DLGAP2: variants seen among roughly 807,000 people sequenced by gnomAD.
The protein encoded by DLGAP2 is DLG associated protein 2.
In DLGAP2, 26 loss-of-function variants were observed where a neutral mutation model predicts 100.3. That is an observed-to-expected ratio of 0.26 (90% CI 0.19 to 0.36). DLGAP2 has a LOEUF of 0.36. Among genes scored for constraint, DLGAP2 ranks in the 10% least tolerant of loss-of-function variants. The pLI is 1.00. For synonymous variants in DLGAP2, 886 were observed against 630.1 expected, an observed-to-expected ratio of 1.41 and a Z score of -6.08; for missense variants, 1,858 against 1,453.2, an observed-to-expected ratio of 1.28 and a Z score of -4.53.
At chr8:1,255,871 T>C (rs1439623801) in intron 2 of DLGAP2, among the ~76,000 whole-genome samples, 2 of 111,774 alleles carry the variant, frequency 1.8e-5, no homozygotes, top group African/African-American at 9.6e-5. Flanking sequence ...CGTGTGTGTG[T>C]CCTCTCATCC....
intron 2 of DLGAP2, among the ~76,000 whole-genome samples, chr8:1,143,198 A>G (rs1254210472): frequency 2.6e-5 from 4 of 152,172 alleles, no homozygotes; most frequent in Non-Finnish European, 5.9e-5. Context: ...TAAAGTTACT[A>G]TATGACAAGG....
intron 2 of DLGAP2, among the ~76,000 whole-genome samples, chr8:934,357 G>A (rs923320623): frequency 6.6e-6 from 1 of 151,526 alleles, no homozygotes; most frequent in African/African-American, 2.4e-5. Context: ...TGGGCACGAG[G>A]GGAGGGTGAG....
intron 3 of DLGAP2, among the ~76,000 whole-genome samples, chr8:1,306,728 C>T (rs914418096): frequency 1.3e-5 from 2 of 152,056 alleles, no homozygotes; most frequent in Admixed American, 1.3e-4. Flanking sequence ...AATAGAGAGT[C>T]CAGAAATAAA....
rs1799688528 is a variant in DLGAP2 at position 1,705,706 on chromosome 8, G to A, written c.*4300G>A. 1 of 152,036 alleles carries A rather than the reference G, an allele frequency of 6.6e-6. No homozygotes were observed. The highest frequency in any genetic ancestry group is 6.5e-5 in the Admixed American group (1 of 15,270). The allele number at this position is 152,036 out of a possible 1,614,324, so 9.4% of individuals were successfully genotyped here. ...CATTTCCCAGCCCTCTTCTTCTCAA[G>A]CCTGAACTTCATTTTTTTTTTTAGC... On this transcript the variant is annotated 3_prime_UTR_variant, in exon 15 of 15. Coordinates refer to ENST00000637795, the MANE Select transcript of DLGAP2 (RefSeq NM_001346810.2).
chr8:901,369 G>T (rs1273507834), intron 1 of DLGAP2, among the ~76,000 whole-genome samples: 2 of 152,320 alleles, frequency 1.3e-5, no homozygotes, highest in East Asian at 3.9e-4. Flanking sequence ...TCTATTATTT[G>T]AATTTCTTCC....
intron 8 of DLGAP2, among the ~76,000 whole-genome samples, chr8:1,653,970 GA>G (rs1480854019): frequency 6.6e-6 from 1 of 152,120 alleles, no homozygotes; most frequent in Admixed American, 6.5e-5. Context: ...CTTATCCTTA[GA>G]AAGAGAGACA....
intron 3 of DLGAP2, among the ~76,000 whole-genome samples, chr8:1,493,776 C>A (rs6984238): frequency 1.3e-5 from 2 of 152,280 alleles, no homozygotes; most frequent in Admixed American, 6.5e-5. Flanking sequence ...GAAGCTGGGG[C>A]GGGCGGTGGG....
intron 1 of DLGAP2, among the ~76,000 whole-genome samples, chr8:761,973 C>A (rs566786576): frequency 5.6e-4 from 86 of 152,298 alleles, no homozygotes; most frequent in Middle Eastern, 3.4e-3. Flanking sequence ...TTTAAGAAAA[C>A]CCGAGGAGGA....
At chr8:1,585,694 G>A (rs147652392) in intron 6 of DLGAP2, among the ~76,000 whole-genome samples, 5 of 152,274 alleles carry the variant, frequency 3.3e-5, no homozygotes, top group Non-Finnish European at 7.4e-5. Context: ...TGGCGGCCCC[G>A]TGCCCCCACC....
intron 1 of DLGAP2, among the ~76,000 whole-genome samples, chr8:784,998 G>A (rs1006726843): frequency 3.2e-4 from 48 of 151,904 alleles, no homozygotes; most frequent in African/African-American, 1.1e-3. Flanking sequence ...ACAAGGTCAG[G>A]AGATCGAGAC....
At chr8:1,369,313 C>G (rs746394972) in intron 3 of DLGAP2, 1 of 152,230 alleles carries the variant, frequency 6.6e-6, no homozygotes, top group African/African-American at 2.4e-5. Context: ...AAGGCCTCCC[C>G]TTGGCTGGCA....
At chr8:1,301,548 T>C (rs1800340933) in intron 3 of DLGAP2, 1 of 152,222 alleles carries the variant, frequency 6.6e-6, no homozygotes, top group South Asian at 2.1e-4. Context: ...TTCACTCTTT[T>C]TCTTGCTGTC....
intron 2 of DLGAP2, among the ~76,000 whole-genome samples, chr8:950,288 A>T (rs1052406821): frequency 3.9e-5 from 6 of 152,204 alleles, no homozygotes; most frequent in African/African-American, 9.7e-5. Context: ...GCTTTATTTG[A>T]TGATTGTGAT....
At chr8:947,004 G>C (rs1563108261) in intron 2 of DLGAP2, among the ~76,000 whole-genome samples, 1 of 152,196 alleles carries the variant, frequency 6.6e-6, no homozygotes, top group Non-Finnish European at 1.5e-5. Flanking sequence ...GACACCGGTG[G>C]CTGCACTCGG....
chr8:1,345,866 C>T (rs561374335), intron 3 of DLGAP2, among the ~76,000 whole-genome samples: 4 of 152,308 alleles, frequency 2.6e-5, no homozygotes, highest in South Asian at 4.1e-4. Context: ...TTGTCATTAT[C>T]GCTAGTGGTT....
At chr8:912,599 C>T (rs762556421) in intron 2 of DLGAP2, among the ~76,000 whole-genome samples, 10 of 151,902 alleles carry the variant, frequency 6.6e-5, no homozygotes, top group East Asian at 5.8e-4. Context: ...TCATTGGAGC[C>T]GGCTCCTGCT....
At chr8:750,023 G>T (rs892931257) in intron 1 of DLGAP2, among the ~76,000 whole-genome samples, 26 of 152,194 alleles carry the variant, frequency 1.7e-4, no homozygotes, top group African/African-American at 6.3e-4. Context: ...GTGCGGTCAG[G>T]GCCCACTCAG....
At chr8:1,617,864 A>T (rs1462477447) in intron 6 of DLGAP2, among the ~76,000 whole-genome samples, 1 of 152,256 alleles carries the variant, frequency 6.6e-6, no homozygotes, top group East Asian at 1.9e-4. Flanking sequence ...AATCAGAGGA[A>T]CAAGTATATG....
chr8:1,226,787 C>T (rs966320413), intron 2 of DLGAP2, among the ~76,000 whole-genome samples: 3 of 151,900 alleles, frequency 2.0e-5, no homozygotes, highest in African/African-American at 7.3e-5. Flanking sequence ...CAGTAATCCT[C>T]AGGGAAATGC....
Sources: allele counts gnomAD v4.1 joint callset (sites outside exome capture counted in the v4.1 genomes callset), GRCh38; gene constraint gnomAD v4.1.1; transcripts MANE v1.5; gene names NCBI Gene and HGNC (gene_info 2026-07-23, HGNC 2026-07-21).